Variants in MPPED2 observed in about 807,000 individuals in gnomAD.
The protein encoded by MPPED2 is metallophosphoesterase MPPED2.
In MPPED2, 5 loss-of-function variants were observed where a neutral mutation model predicts 33.0. The ratio of observed to expected loss-of-function variants is 0.15; its 90% CI spans 0.08 to 0.32. The LOEUF (loss-of-function observed/expected upper bound fraction) is 0.32. Among genes scored for constraint, MPPED2 ranks in the 10% least tolerant of loss-of-function variants. MPPED2 has a pLI of 1.00. For synonymous variants in MPPED2, 136 were observed against 141.9 expected (o/e 0.96, Z 0.29); for missense variants, 275 against 372.1 (o/e 0.74, Z 2.15).
At chr11:30,444,308 A>G (rs1949707378) in intron 4 of MPPED2, among the ~76,000 whole-genome samples, 1 of 152,204 alleles carries the variant, frequency 6.6e-6, no homozygotes, top group African/African-American at 2.4e-5. Context: ...GTCACTTTCA[A>G]TTGCTCCAAA....
intron 3 of MPPED2, among the ~76,000 whole-genome samples, chr11:30,500,546 T>C (rs1288698666): frequency 6.6e-6 from 1 of 152,162 alleles, no homozygotes; most frequent in Non-Finnish European, 1.5e-5. Context: ...ACCTTGGAGA[T>C]TCCTTATGTT....
chr11:30,453,259 C>A (rs1349997726), intron 4 of MPPED2, among the ~76,000 whole-genome samples: 1 of 152,130 alleles, frequency 6.6e-6, no homozygotes. Flanking sequence ...GAAGAAGACT[C>A]CACACCTCTA....
At chr11:30,512,927 G>C (rs1953305520) in intron 3 of MPPED2, among the ~76,000 whole-genome samples, 1 of 151,996 alleles carries the variant, frequency 6.6e-6, no homozygotes, top group Admixed American at 6.6e-5. Flanking sequence ...CTTGAATCGG[G>C]GGGCAGAGTT....
intron 4 of MPPED2, among the ~76,000 whole-genome samples, chr11:30,490,330 A>G (rs1951921307): frequency 6.6e-6 from 1 of 152,204 alleles, no homozygotes; most frequent in Admixed American, 6.5e-5. Context: ...CACTCCCAAA[A>G]AAGAATGAGA....
At chr11:30,450,092 C>T (rs1000891020) in intron 4 of MPPED2, among the ~76,000 whole-genome samples, 1 of 152,192 alleles carries the variant, frequency 6.6e-6, no homozygotes, top group African/African-American at 2.4e-5. Flanking sequence ...TTTCTAGTGT[C>T]TTTTGAATTC....
At chr11:30,473,281 T>C (rs1472431608) in intron 4 of MPPED2, among the ~76,000 whole-genome samples, 1 of 152,198 alleles carries the variant, frequency 6.6e-6, no homozygotes, top group Non-Finnish European at 1.5e-5. Flanking sequence ...TGTAATCATT[T>C]CTGTACCTCA....
intron 4 of MPPED2, among the ~76,000 whole-genome samples, chr11:30,436,827 T>G (rs532500388): frequency 6.6e-6 from 1 of 152,350 alleles, no homozygotes; most frequent in Admixed American, 6.5e-5. Context: ...AGATTTCATA[T>G]TCAATAAAGC....
intron 5 of MPPED2, among the ~76,000 whole-genome samples, chr11:30,416,880 T>A (rs957761988): frequency 6.6e-6 from 1 of 152,198 alleles, no homozygotes; most frequent in Admixed American, 6.5e-5. Context: ...AGTCAACTGA[T>A]CATTCTTTGG....
At chr11:30,457,361 C>T (rs1327390785) in intron 4 of MPPED2, among the ~76,000 whole-genome samples, 1 of 141,394 alleles carries the variant, frequency 7.1e-6, no homozygotes, top group Non-Finnish European at 1.5e-5. Flanking sequence ...ATGAGTCTGG[C>T]ATTTTGACTT....
chr11:30,393,229 C>T (rs1947801711), intron 6 of MPPED2, among the ~76,000 whole-genome samples: 1 of 152,064 alleles, frequency 6.6e-6, no homozygotes, highest in African/African-American at 2.4e-5. Context: ...CCTCTGTGTC[C>T]TTCCTAATAG....
At chr11:30,408,806 T>A (rs576146), downstream of MPPED2, among the ~76,000 whole-genome samples, 139,110 of 152,304 alleles carry the variant, frequency 0.91, 63,550 homozygotes, top group East Asian at 1. Context: ...TGAAGATTAG[T>A]AACAAAATAC....
At chr11:30,494,568 T>C (rs887807531) in intron 4 of MPPED2, among the ~76,000 whole-genome samples, 2 of 151,312 alleles carry the variant, frequency 1.3e-5, no homozygotes, top group African/African-American at 4.9e-5. Flanking sequence ...TGAAACCCCG[T>C]CTCTACTAAA....
At chr11:30,434,767 C>T (rs1419830184) in intron 4 of MPPED2, among the ~76,000 whole-genome samples, 1 of 152,140 alleles carries the variant, frequency 6.6e-6, no homozygotes, top group Admixed American at 6.5e-5. Flanking sequence ...TGCTATTCAC[C>T]ATCACTGAAA....
intron 2 of MPPED2, among the ~76,000 whole-genome samples, chr11:30,557,420 A>G (rs1956026297): frequency 1.3e-5 from 2 of 152,078 alleles, no homozygotes; most frequent in Admixed American, 1.3e-4. Context: ...TCATTTATTC[A>G]TGACTCATGA....
chr11:30,408,711 T>A (rs1948028614), downstream of MPPED2, among the ~76,000 whole-genome samples: 1 of 152,204 alleles, frequency 6.6e-6, no homozygotes, highest in Non-Finnish European at 1.5e-5. Context: ...ACCTTCCATT[T>A]TTCCTAGGGA....
chr11:30,438,921 C>G (rs996377482), intron 4 of MPPED2, among the ~76,000 whole-genome samples: 1 of 152,200 alleles, frequency 6.6e-6, no homozygotes, highest in African/African-American at 2.4e-5. Flanking sequence ...ATACCATCTT[C>G]CCCTTAGCAT....
intron 4 of MPPED2, among the ~76,000 whole-genome samples, chr11:30,424,520 G>T (rs1295645255): frequency 3.3e-5 from 5 of 152,134 alleles, no homozygotes; most frequent in African/African-American, 4.8e-5. Flanking sequence ...CCATGAAGCT[G>T]TCATGATAAT....
intron 4 of MPPED2, among the ~76,000 whole-genome samples, chr11:30,462,076 T>G (rs1209452392): frequency 6.6e-6 from 1 of 152,130 alleles, no homozygotes; most frequent in Non-Finnish European, 1.5e-5. Context: ...ACTGCAGCTA[T>G]CAATACAATA....
At chr11:30,473,479 T>C (rs575472713) in intron 4 of MPPED2, among the ~76,000 whole-genome samples, 1 of 152,240 alleles carries the variant, frequency 6.6e-6, no homozygotes, top group South Asian at 2.1e-4. Context: ...ATTAGCAAAG[T>C]ATTTCCTCTG....
Sources: allele counts gnomAD v4.1 joint callset (sites outside exome capture counted in the v4.1 genomes callset), GRCh38; gene constraint gnomAD v4.1.1; transcripts MANE v1.5; gene names NCBI Gene and HGNC (gene_info 2026-07-23, HGNC 2026-07-21).